PARP4: variants seen among roughly 807,000 people sequenced by gnomAD.
PARP4 encodes the protein poly(ADP-ribose) polymerase family member 4, also known as protein mono-ADP-ribosyltransferase PARP4.
PARP4 carries 120 observed loss-of-function variants against 187.7 expected under a neutral mutation model. The observed-to-expected ratio is 0.64, with a 90% CI of 0.55 to 0.74. The LOEUF is 0.74. Ranked by LOEUF, PARP4 falls within the 30% of genes least tolerant of loss-of-function variation. The pLI is 0.00. For missense variants in PARP4, 1,836 were observed against 2,070.5 expected (o/e 0.89, Z 2.20); for synonymous variants, 654 against 740.9 (o/e 0.88, Z 1.90).
At chr13:24,486,780 C>T (rs1413676962) in intron 10 of PARP4, among the ~76,000 whole-genome samples, 6 of 152,088 alleles carry the variant, frequency 3.9e-5, no homozygotes, top group Non-Finnish European at 7.4e-5. Flanking sequence ...GGTGAAACCC[C>T]GTCTCTCCTA....
chr13:24,438,922 A>G (rs1433547415), intron 30 of PARP4, among the ~76,000 whole-genome samples: 3 of 152,184 alleles, frequency 2.0e-5, no homozygotes, highest in Non-Finnish European at 2.9e-5. Flanking sequence ...GGTAAAACAG[A>G]TATCGAGGAA....
intron 8 of PARP4, among the ~76,000 whole-genome samples, chr13:24,492,864 C>T (rs757802505): frequency 1.2e-4 from 18 of 152,170 alleles, no homozygotes; most frequent in Non-Finnish European, 2.1e-4. Flanking sequence ...CATCTACATA[C>T]CTATACACAG....
intron 3 of PARP4, among the ~76,000 whole-genome samples, chr13:24,501,142 T>C (rs945008829): frequency 2.0e-5 from 3 of 152,220 alleles, no homozygotes; most frequent in Non-Finnish European, 4.4e-5. Flanking sequence ...ATCAGAACTG[T>C]GTGATTTTTG....
chr13:24,453,725 G>T, intron 22 of PARP4, 71 bp from the exon 23 acceptor site: 1 of 827,482 alleles, frequency 1.2e-6, no homozygotes, highest in Non-Finnish European at 2.1e-6. Context: ...AAACAATAAT[G>T]TTATTTCATA....
chr13:24,450,186 A>T (rs1474832718), intron 24 of PARP4, among the ~76,000 whole-genome samples: 1 of 152,168 alleles, frequency 6.6e-6, no homozygotes, highest in African/African-American at 2.4e-5. Context: ...ATCTGATCCC[A>T]AAGGCCTAGA....
chr13:24,440,937 A>G (rs1327929292), intron 30 of PARP4, among the ~76,000 whole-genome samples: 3 of 152,072 alleles, frequency 2.0e-5, no homozygotes, highest in Non-Finnish European at 4.4e-5. Context: ...TAGGGGTGCC[A>G]TTTTGGCTCA....
intron 1 of PARP4, among the ~76,000 whole-genome samples, chr13:24,510,553 C>CAAAAGAAAA (rs1869957795): frequency 1.1e-5 from 1 of 89,270 alleles, no homozygotes; most frequent in Admixed American, 1.3e-4. Context: ...GACTCCGTCT[C>CAAAAGAAAA]AAAAAAAAAA....
At position 24,460,121 on chromosome 13, in the gene PARP4, T is replaced by G; in HGVS notation, c.2149A>C (p.Ser717Arg). The G allele has an allele frequency of 6.2e-7, 1 of 1,612,480 alleles. No homozygotes were observed. The highest frequency in any genetic ancestry group is 2.2e-5 in the East Asian group (1 of 44,872). Residue 717 changes from serine (S) to arginine (R), a missense_variant, in exon 18 of 34, where the codon AGT becomes CGT. Physicochemically the swap from Ser to Arg is moderately radical, Grantham distance 110. This residue lies in a region of PARP4 where 1,147 missense variants were observed against 1,214.2 expected (regional missense o/e 0.94). Coordinates refer to ENST00000381989, the MANE Select transcript of PARP4 (RefSeq NM_006437.4). The stretch of plus-strand genomic sequence containing the variant: ...GCCTTAGGGGGTAAGTTTCCAACAC[T>G]TACAGTAAAAACGTCCTGAAACAGA... ...SQDAPDVFTV[S>R]VGNLPPKAKV...
intron 22 of PARP4, among the ~76,000 whole-genome samples, chr13:24,454,715 A>G (rs1004241361): frequency 3.1e-4 from 47 of 152,150 alleles, no homozygotes; most frequent in Admixed American, 6.5e-4. Context: ...CTTTACATAC[A>G]TTAGCTCAAT....
chr13:24,455,853 G>T (rs1871816290), intron 21 of PARP4, among the ~76,000 whole-genome samples: 1 of 151,832 alleles, frequency 6.6e-6, no homozygotes, highest in East Asian at 1.9e-4. Flanking sequence ...AAACTCCTGA[G>T]CTCAAGCAAT....
intron 14 of PARP4, among the ~76,000 whole-genome samples, chr13:24,476,875 A>C (rs1234582731): frequency 6.6e-6 from 1 of 152,188 alleles, no homozygotes. Context: ...TTTCCCCTTC[A>C]GCCCTTACAG....
At chr13:24,433,317 C>T (rs1314089575) in intron 31 of PARP4, among the ~76,000 whole-genome samples, 3 of 152,154 alleles carry the variant, frequency 2.0e-5, no homozygotes, top group East Asian at 1.9e-4. Context: ...TCCCAGAGCT[C>T]GGGGCCTTCG....
At chr13:24,444,111 C>T (rs143552353) in intron 27 of PARP4, among the ~76,000 whole-genome samples, 4,131 of 152,290 alleles carry the variant, frequency 0.027, 40 homozygotes, top group Non-Finnish European at 0.036. Context: ...GATGCCCGTC[C>T]GTGAACATGG....
chr13:24,429,933 T>C (rs779523899), intron 32 of PARP4, among the ~76,000 whole-genome samples: 1 of 152,190 alleles, frequency 6.6e-6, no homozygotes, highest in Non-Finnish European at 1.5e-5. Context: ...AACATCCCAT[T>C]GTGTCTCATG....
intron 33 of PARP4, among the ~76,000 whole-genome samples, chr13:24,422,882 CAG>C (rs1869821366): frequency 6.6e-6 from 1 of 152,202 alleles, no homozygotes; most frequent in Non-Finnish European, 1.5e-5. Flanking sequence ...GCTGGAATTA[CAG>C]CTGTGAGTCA....
At chr13:24,456,910 A>G (rs1315416916) in intron 20 of PARP4, among the ~76,000 whole-genome samples, 2 of 152,076 alleles carry the variant, frequency 1.3e-5, no homozygotes, top group African/African-American at 4.8e-5. Context: ...CAAAACAAAA[A>G]CAAAACAAAA....
chr13:24,491,601 G>A (rs925683895), intron 9 of PARP4, among the ~76,000 whole-genome samples: 3 of 152,266 alleles, frequency 2.0e-5, no homozygotes, highest in Non-Finnish European at 4.4e-5. Flanking sequence ...TGAAGTCTAG[G>A]ACACAAATCT....
intron 1 of PARP4, 127 bp from the exon 2 acceptor site, chr13:24,503,904 C>T: frequency 1.3e-6 from 1 of 758,236 alleles, no homozygotes; most frequent in Non-Finnish European, 2.2e-6. Flanking sequence ...ATCATGTTAT[C>T]AATAGAACAT....
At chr13:24,422,853 C>T (rs968909188) in intron 33 of PARP4, among the ~76,000 whole-genome samples, 9 of 151,996 alleles carry the variant, frequency 5.9e-5, no homozygotes, top group African/African-American at 1.7e-4. Flanking sequence ...GTGATCTGTC[C>T]GCCTCAACCT....
Sources: gnomAD v4.1 joint callset for allele counts (sites outside exome capture counted in the v4.1 genomes callset) on GRCh38, gnomAD v4.1.1 for gene constraint, gnomAD v4.1.1 regional missense constraint, MANE v1.5 for transcripts, NCBI Gene and HGNC (gene_info 2026-07-23, HGNC 2026-07-21) for gene names.